RABL2A: variants seen among roughly 807,000 people sequenced by gnomAD.
RABL2A encodes RAB, member of RAS oncogene family like 2A.
Under a neutral mutation model 30.7 loss-of-function variants are expected in RABL2A, and 17 were observed. The observed-to-expected ratio is 0.55, with a 90% CI of 0.38 to 0.83. The LOEUF is 0.83. RABL2A is among the 40% of genes least tolerant of loss of function. The pLI, the probability that RABL2A is intolerant of heterozygous loss-of-function variation, is 0.00. For synonymous variants in RABL2A, 64 were observed against 101.8 expected (o/e 0.63, Z 2.24); for missense variants, 155 against 272.6 (o/e 0.57, Z 3.04).
chr2:113,640,663 C>T, intron 5 of RABL2A: 1 of 514,614 alleles, frequency 1.9e-6, no homozygotes, highest in Non-Finnish European at 3.3e-6. Context: ...AGGTGTGAGC[C>T]ACTGCACTGG....
At chr2:113,630,325 A>G (rs532793637) in intron 2 of RABL2A, among the ~76,000 whole-genome samples, 1 of 152,352 alleles carries the variant, frequency 6.6e-6, no homozygotes, top group Admixed American at 6.5e-5. Context: ...GATTGGACTC[A>G]AGAACTACTG....
intron 2 of RABL2A, among the ~76,000 whole-genome samples, chr2:113,629,538 T>C (rs1038509490): frequency 7.5e-5 from 8 of 106,610 alleles, no homozygotes; most frequent in African/African-American, 2.7e-4. Context: ...GGTTTAGAAT[T>C]TTTTTTTTTT....
At chr2:113,641,311 T>A in intron 6 of RABL2A, 42 bp from the exon 7 acceptor site, 1 of 1,613,582 alleles carries the variant, frequency 6.2e-7, no homozygotes, top group Non-Finnish European at 8.5e-7. Flanking sequence ...CAAACCTTCT[T>A]CCCTTCCCTT....
At chr2:113,629,594 A>G (rs1420932277) in intron 2 of RABL2A, among the ~76,000 whole-genome samples, 3 of 149,368 alleles carry the variant, frequency 2.0e-5, no homozygotes, top group Admixed American at 1.3e-4. Context: ...GAGTGCAGTG[A>G]CGTGATCTCG....
intron 4 of RABL2A, 105 bp from the exon 5 acceptor site, chr2:113,634,946 G>T (rs1047372319): frequency 6.1e-6 from 7 of 1,154,690 alleles, no homozygotes; most frequent in Non-Finnish European, 9.0e-6. Flanking sequence ...TGCTCCCCAT[G>T]TACACTCACA....
intron 2 of RABL2A, among the ~76,000 whole-genome samples, chr2:113,629,347 C>G (rs1228537052): frequency 1.3e-5 from 2 of 152,160 alleles, no homozygotes; most frequent in African/African-American, 4.8e-5. Context: ...CGTTTATCTC[C>G]CAAGTACTCC....
At chr2:113,627,535 G>A (rs1678529617) in intron 1 of RABL2A, 135 bp downstream of exon 1, 1 of 157,394 alleles carries the variant, frequency 6.4e-6, no homozygotes, top group Admixed American at 6.5e-5. Flanking sequence ...CTGTTGTGGG[G>A]GGCGGGACGG....
In RABL2A at chr2:113,637,009, A is replaced by AT. The variant is rs373051075; in HGVS notation, c.297+1879_297+1880insT. ...GTCTCAAAAAAAATAAAAAAATAAA[A>AT]AAATAAAGTCTGCCATGGCACCCCA... On this transcript the variant is annotated intron_variant, in intron 5 of 8. Transcript: ENST00000683472. Among the ~76,000 whole-genome samples, 1,222 of 150,078 alleles carry AT rather than the reference A, an allele frequency of 8.1e-3. 27 individuals are homozygous for AT. Among genetic ancestry groups the AT allele is most frequent in the African/African-American group, 0.029 (1,163 of 40,156 alleles).
chr2:113,635,093 A>G lies in RABL2A; in HGVS notation c.260A>G (p.His87Arg), dbSNP rs369446097. Residue 87 changes from histidine to arginine, a missense_variant, in exon 5 of 9, where the codon CAT (histidine) becomes CGT (arginine). Physicochemically the swap from His to Arg is conservative, Grantham distance 29. Coordinates refer to ENST00000683472, the MANE Select transcript of RABL2A (RefSeq NM_001306158.2). ...TAGQERFQSMHASYYHKAHAC... is the reference protein window; with the variant it reads ...TAGQERFQSMRASYYHKAHAC... ...GGCCAGGAGCGGTTCCAGAGCATGC[A>G]TGCCTCCTACTACCACAAGGCCCAT... The G allele has an allele frequency of 2.5e-6, 4 of 1,614,198 alleles. No homozygotes were observed. Among genetic ancestry groups the G allele is most frequent in the South Asian group, 1.1e-5 (1 of 91,076 alleles).
intron 5 of RABL2A, chr2:113,638,305 G>A (rs1158548512): frequency 2.2e-5 from 22 of 985,314 alleles, no homozygotes; most frequent in Non-Finnish European, 2.5e-5. Flanking sequence ...CACACAGGGC[G>A]AGCCCCTAGC....
chr2:113,637,700 C>T (rs1385643961), intron 5 of RABL2A: 9 of 1,280,136 alleles, frequency 7.0e-6, no homozygotes, highest in Non-Finnish European at 9.2e-6. Context: ...CAGTGTAGTG[C>T]AGAAGTCTGA....
chr2:113,636,085 G>T (rs573572842), intron 5 of RABL2A, among the ~76,000 whole-genome samples: 2 of 151,426 alleles, frequency 1.3e-5, no homozygotes, highest in East Asian at 3.9e-4. Flanking sequence ...TCCAGCCTGG[G>T]CAACAAGAGC....
intron 5 of RABL2A, chr2:113,638,425 T>A: frequency 1.0e-6 from 1 of 985,386 alleles, no homozygotes; most frequent in Non-Finnish European, 1.2e-6. Context: ...ATCCACTGAC[T>A]GTTGTACTAG....
chr2:113,629,401 T>C (rs1459727013), intron 2 of RABL2A, among the ~76,000 whole-genome samples: 3 of 152,206 alleles, frequency 2.0e-5, no homozygotes, highest in African/African-American at 7.2e-5. Flanking sequence ...GTCAAGTCCT[T>C]TGACTCAGGT....
At chr2:113,634,932 C>A (rs1458112753) in intron 4 of RABL2A, 119 bp from the exon 5 acceptor site, 1 of 957,164 alleles carries the variant, frequency 1.0e-6, no homozygotes, top group African/African-American at 1.6e-5. Context: ...TCTGTTTCTC[C>A]CTGTGCTCCC....
intron 3 of RABL2A, 168 bp downstream of exon 3, chr2:113,633,112 A>T: frequency 2.1e-6 from 2 of 969,846 alleles, no homozygotes; most frequent in Non-Finnish European, 3.3e-6. Context: ...CGATTGACCC[A>T]CATGGCATTG....
At chr2:113,638,071 C>T (rs933804038) in intron 5 of RABL2A, 7 of 985,324 alleles carry the variant, frequency 7.1e-6, no homozygotes, top group Non-Finnish European at 8.4e-6. Flanking sequence ...CTCCTCAGCT[C>T]TCAAAACAAG....
intron 1 of RABL2A, 121 bp downstream of exon 1, chr2:113,627,521 G>T (rs1415329461): frequency 6.4e-6 from 1 of 155,864 alleles, no homozygotes; most frequent in Non-Finnish European, 1.4e-5. Context: ...GTGGCTTCGC[G>T]AGGCTGTTGT....
chr2:113,630,898 T>G (rs201804884), intron 2 of RABL2A, among the ~76,000 whole-genome samples: 25 of 151,468 alleles, frequency 1.7e-4, no homozygotes, highest in Non-Finnish European at 3.2e-4. Context: ...TGTTTTTTTG[T>G]TTTTTTGGTT....
Sources: allele counts gnomAD v4.1 joint callset (sites outside exome capture counted in the v4.1 genomes callset), GRCh38; gene constraint gnomAD v4.1.1; transcripts MANE v1.5; gene names NCBI Gene and HGNC (gene_info 2026-07-23, HGNC 2026-07-21).